CALCR: variants seen among roughly 807,000 people sequenced by gnomAD.
The protein encoded by CALCR is calcitonin receptor.
In CALCR, 47 loss-of-function variants were observed where a neutral mutation model predicts 59.5. The ratio of observed to expected loss-of-function variants is 0.79; its 90% CI spans 0.63 to 1.01. The LOEUF (loss-of-function observed/expected upper bound fraction) is 1.01, where lower values mean the gene tolerates loss of function less well. Among genes scored for constraint, CALCR ranks in the 50% least tolerant of loss-of-function variants. The pLI, the probability that CALCR is intolerant of heterozygous loss-of-function variation, is 0.00. For missense variants in CALCR, 566 were observed against 597.1 expected (o/e 0.95, Z 0.54); for synonymous variants, 213 against 211.3 (o/e 1.01, Z -0.07).
At chr7:93,436,650 T>C (rs1432620813) in intron 11 of CALCR, among the ~76,000 whole-genome samples, 4 of 152,192 alleles carry the variant, frequency 2.6e-5, no homozygotes, top group Non-Finnish European at 5.9e-5. Flanking sequence ...TATCAATCTC[T>C]TCCTTAAGTG....
At chr7:93,454,087 T>C (rs574510416) in intron 8 of CALCR, among the ~76,000 whole-genome samples, 5 of 152,138 alleles carry the variant, frequency 3.3e-5, no homozygotes, top group Middle Eastern at 3.4e-3. Context: ...TTATTTACCA[T>C]TGACCTCTCA....
chr7:93,464,442 T>C (rs766815830), intron 7 of CALCR, among the ~76,000 whole-genome samples: 1 of 151,996 alleles, frequency 6.6e-6, no homozygotes, highest in Non-Finnish European at 1.5e-5. Flanking sequence ...TCTTCTAGTG[T>C]AACTTTTAGT....
intron 2 of CALCR, among the ~76,000 whole-genome samples, chr7:93,530,017 T>C (rs2116128332): frequency 6.6e-6 from 1 of 152,280 alleles, no homozygotes; most frequent in East Asian, 1.9e-4. Context: ...GCATGATCTC[T>C]CAGGTAAATT....
intron 7 of CALCR, 85 bp downstream of exon 7, chr7:93,468,630 C>T: frequency 2.3e-6 from 2 of 876,892 alleles, no homozygotes; most frequent in Non-Finnish European, 3.6e-6. Context: ...GAAGACCCTT[C>T]CCCACCTCCA....
rs564178985 is a variant in CALCR at position 93,562,151 on chromosome 7, A to G, written c.-27+12138T>C. 1.3e-3 allele frequency among the ~76,000 whole-genome samples: 196 copies of G among 151,654 alleles called. 1 individual carries two copies. Among genetic ancestry groups the G allele is most frequent in the African/African-American group, 4.5e-3 (185 of 41,386 alleles). On this transcript the variant is annotated intron_variant, in intron 2 of 13. Coordinates refer to ENST00000426151, the MANE Select transcript of CALCR (RefSeq NM_001742.4). ...ACTATTATTAGTAATAATAGTAATT[A>G]TTTTTATTCTTATTTCTTATGATTA...
At chr7:93,462,026 G>C in intron 7 of CALCR, 1 of 1,202,436 alleles carries the variant, frequency 8.3e-7, no homozygotes, top group South Asian at 1.4e-5. Context: ...AAATTCTGGG[G>C]AAAGATGAAA....
In CALCR at chr7:93,439,064, A is replaced by T. The variant is rs570544014; in HGVS notation, c.803-794T>A. On this transcript the variant is annotated intron_variant, in intron 9 of 13. Coordinates refer to ENST00000426151, the MANE Select transcript of CALCR (RefSeq NM_001742.4). ...AAAATAAGTCTTTTTACTCAGATGTACAACAGTAGAATATTGTTTGATTTG... is the reference window on the plus strand; with the variant it reads ...AAAATAAGTCTTTTTACTCAGATGTTCAACAGTAGAATATTGTTTGATTTG... 9.8e-5 allele frequency among the ~76,000 whole-genome samples: 15 copies of T among 152,330 alleles called. No homozygotes were observed. The South Asian group carries it at 2.9e-3, about 29-fold the overall frequency.
chr7:93,523,937 T>A (rs920679577), intron 2 of CALCR, among the ~76,000 whole-genome samples: 10 of 152,076 alleles, frequency 6.6e-5, no homozygotes, highest in African/African-American at 2.2e-4. Context: ...ATTTCTCTAA[T>A]GGATGCTCAT....
chr7:93,523,744 A>G (rs531821344), intron 2 of CALCR, among the ~76,000 whole-genome samples: 61 of 152,230 alleles, frequency 4.0e-4, no homozygotes, highest in African/African-American at 1.4e-3. Flanking sequence ...TATTTTTATA[A>G]GTATAAACTA....
intron 2 of CALCR, among the ~76,000 whole-genome samples, chr7:93,549,242 C>A (rs1430881026): frequency 2.0e-5 from 3 of 152,062 alleles, no homozygotes; most frequent in African/African-American, 7.2e-5. Context: ...CAGATGGAAT[C>A]TTAAAATCTG....
At chr7:93,509,625 T>C (rs752919589) in intron 2 of CALCR, among the ~76,000 whole-genome samples, 1 of 152,186 alleles carries the variant, frequency 6.6e-6, no homozygotes, top group Non-Finnish European at 1.5e-5. Context: ...TACTCACATA[T>C]GTGGAGATTA....
At chr7:93,513,578 G>A (rs1363994186) in intron 2 of CALCR, among the ~76,000 whole-genome samples, 2 of 152,000 alleles carry the variant, frequency 1.3e-5, no homozygotes, top group Non-Finnish European at 2.9e-5. Flanking sequence ...CTTTGCAGAT[G>A]GCATCGTGGA....
chr7:93,499,469 G>A (rs1457898486), intron 2 of CALCR, among the ~76,000 whole-genome samples: 1 of 151,778 alleles, frequency 6.6e-6, no homozygotes, highest in Non-Finnish European at 1.5e-5. Flanking sequence ...ATATTAATGT[G>A]CAATGGACAT....
chr7:93,484,175 A>T (rs1800870338), intron 3 of CALCR, among the ~76,000 whole-genome samples: 1 of 151,824 alleles, frequency 6.6e-6, no homozygotes. Flanking sequence ...TACATTCTTG[A>T]TTTTATCCAC....
chr7:93,474,246 T>C (rs2115864667), intron 5 of CALCR, among the ~76,000 whole-genome samples: 1 of 151,756 alleles, frequency 6.6e-6, no homozygotes, highest in Middle Eastern at 3.4e-3. Context: ...GGTGAGATAA[T>C]ATTTATCAAG....
chr7:93,523,007 G>C (rs905347422), intron 2 of CALCR, among the ~76,000 whole-genome samples: 6 of 152,098 alleles, frequency 3.9e-5, no homozygotes, highest in Admixed American at 2.0e-4. Context: ...CATTATTAAA[G>C]TTAATGTTTT....
chr7:93,450,205 A>G (rs1800081854), intron 8 of CALCR, among the ~76,000 whole-genome samples: 1 of 152,042 alleles, frequency 6.6e-6, no homozygotes, highest in African/African-American at 2.4e-5. Context: ...GACAATGGAA[A>G]AACCTCCTTT....
chr7:93,548,864 GTGTGTGTGTGTGTGTC>G (rs1258900147), intron 2 of CALCR, among the ~76,000 whole-genome samples: 1,412 of 139,006 alleles, frequency 0.01, 18 homozygotes, highest in South Asian at 0.04. Context: ...GTGTGTGTGT[GTGTGTGTGTGTGTGTC>G]TGTGTGTGTG....
chr7:93,555,411 A>G (rs1789573856), intron 2 of CALCR, among the ~76,000 whole-genome samples: 1 of 152,120 alleles, frequency 6.6e-6, no homozygotes, highest in African/African-American at 2.4e-5. Context: ...GGAAGAAATA[A>G]CAAGCCTGCA....
Sources: allele counts gnomAD v4.1 joint callset (sites outside exome capture counted in the v4.1 genomes callset), GRCh38; gene constraint gnomAD v4.1.1; transcripts MANE v1.5; gene names NCBI Gene and HGNC (gene_info 2026-07-23, HGNC 2026-07-21).